Variants in TMEM87A observed in about 807,000 individuals in gnomAD.
TMEM87A encodes transmembrane protein 87A.
Under a neutral mutation model 90.0 loss-of-function variants are expected in TMEM87A, and 50 were observed. That is an observed-to-expected ratio of 0.56 (90% confidence interval 0.44 to 0.70). The LOEUF (loss-of-function observed/expected upper bound fraction) is 0.70. Among genes scored for constraint, TMEM87A ranks in the 30% least tolerant of loss-of-function variants. The pLI, the probability that TMEM87A is intolerant of heterozygous loss-of-function variation, is 0.00. For synonymous variants in TMEM87A, 226 were observed against 226.7 expected (o/e 1.00, Z 0.03); for missense variants, 577 against 660.5 (o/e 0.87, Z 1.39).
chr15:42,267,704 A>G (rs919418906), intron 3 of TMEM87A, among the ~76,000 whole-genome samples: 10 of 152,184 alleles, frequency 6.6e-5, no homozygotes, highest in African/African-American at 2.4e-4. Flanking sequence ...TCTCAGTTGT[A>G]ATTTCTAATA....
chr15:42,272,518 G>A (rs2051557064), intron 1 of TMEM87A, among the ~76,000 whole-genome samples: 1 of 152,208 alleles, frequency 6.6e-6, no homozygotes, highest in African/African-American at 2.4e-5. Context: ...GGCCAACGTA[G>A]GTTTAATGGG....
At chr15:42,240,013 T>C (rs541515109) in intron 7 of TMEM87A, among the ~76,000 whole-genome samples, 16 of 152,320 alleles carry the variant, frequency 1.1e-4, no homozygotes, top group Non-Finnish European at 1.2e-4. Flanking sequence ...AAAGACTAGA[T>C]TGAATATTTC....
In TMEM87A at chr15:42,233,019, G is replaced by A. The variant is rs537752962; in HGVS notation, c.1062+194C>T. On this transcript the variant is annotated intron_variant, in intron 11 of 19. Transcript: ENST00000389834. ...GAGACAGGTGGAAAAGCATTCATTC[G>A]GGCACACACTAAATTTACAAAGCTC... 17 of 348,098 alleles carry A rather than the reference G, an allele frequency of 4.9e-5. 1 individual carries two copies. Among genetic ancestry groups the A allele is most frequent in the Admixed American group, 2.3e-4 (5 of 21,316 alleles). 21.6% of individuals were successfully genotyped at this position (348,098 alleles called of 1,614,324 possible). A position where few individuals can be genotyped will look rare whatever the true frequency, so the allele number is the denominator to read the frequency against.
rs2051349476 is a variant in TMEM87A at position 42,264,069 on chromosome 15, CCAAT to C, written c.405+17_405+20del. Reference sequence around the variant, plus strand: ...CAATTTTTGCCTATTCTATTTATCTCCAATCACTTTCAAAGATTACCTGTGTTTT... The same window carrying C: ...CAATTTTTGCCTATTCTATTTATCTCCACTTTCAAAGATTACCTGTGTTTT... On this transcript the variant is annotated intron_variant, in intron 4 of 19. Coordinates refer to ENST00000389834, the MANE Select transcript of TMEM87A (RefSeq NM_015497.5). The C allele has an allele frequency of 6.3e-7, 1 of 1,586,600 alleles. No homozygotes were observed.
chr15:42,238,110 T>G (rs948853695), intron 8 of TMEM87A, among the ~76,000 whole-genome samples: 18 of 152,038 alleles, frequency 1.2e-4, no homozygotes, highest in South Asian at 6.2e-4. Flanking sequence ...ATGGTATATA[T>G]AGAGAGCACT....
chr15:42,248,397 C>T (rs2051018228), intron 6 of TMEM87A, among the ~76,000 whole-genome samples: 1 of 152,152 alleles, frequency 6.6e-6, no homozygotes, highest in Admixed American at 6.5e-5. Flanking sequence ...TTTGCCCATT[C>T]AGTATGATAT....
chr15:42,233,937 A>ATT (rs11285848), intron 10 of TMEM87A, among the ~76,000 whole-genome samples: 27 of 139,884 alleles, frequency 1.9e-4, no homozygotes, highest in Middle Eastern at 3.8e-3. Flanking sequence ...CACCAGGCTA[A>ATT]TTTTTTTTTT....
At chr15:42,246,362 G>T (rs546002648) in intron 6 of TMEM87A, among the ~76,000 whole-genome samples, 6 of 152,100 alleles carry the variant, frequency 3.9e-5, no homozygotes, top group Admixed American at 1.3e-4. Context: ...TTGTTACATA[G>T]GTATACATGT....
chr15:42,269,181 G>A (rs2051463789), intron 2 of TMEM87A, among the ~76,000 whole-genome samples: 1 of 152,020 alleles, frequency 6.6e-6, no homozygotes, highest in South Asian at 2.1e-4. Flanking sequence ...ATTAGCTGGA[G>A]GAAGTCAGTA....
At chr15:42,226,104 A>G (rs1304554128) in intron 15 of TMEM87A, among the ~76,000 whole-genome samples, 2 of 151,898 alleles carry the variant, frequency 1.3e-5, no homozygotes, top group Non-Finnish European at 2.9e-5. Context: ...GGTTCAAGCG[A>G]TTCTCCTGCC....
intron 11 of TMEM87A, chr15:42,231,768 T>A: frequency 1.7e-6 from 1 of 601,076 alleles, no homozygotes; most frequent in Non-Finnish European, 2.3e-6. Flanking sequence ...ATGCTGCATG[T>A]TTCCAGGAGT....
chr15:42,226,908 T>C lies in TMEM87A; in HGVS notation c.1301A>G (p.Asp434Gly), dbSNP rs746794420. The C allele has an allele frequency of 1.1e-4, 170 of 1,613,724 alleles. No homozygotes were observed. The highest frequency in any genetic ancestry group is 1.3e-4 in the Admixed American group (8 of 60,008). Residue 434 changes from aspartate to glycine, a missense_variant and splice_region_variant, in exon 15 of 20, where the codon GAC (aspartate) becomes GGC (glycine). Coordinates refer to ENST00000389834, the MANE Select transcript of TMEM87A (RefSeq NM_015497.5). ...MKFRIVTCQSDWRELWVDDAI... is the reference protein window; with the variant it reads ...MKFRIVTCQSGWRELWVDDAI... ...ATCGTCTACCCACAGCTCCCGCCAG[T>C]CCTACAATACAGGGGAGAAGTACAA...
chr15:42,254,018 A>G (rs2051132334), intron 6 of TMEM87A, among the ~76,000 whole-genome samples: 1 of 152,018 alleles, frequency 6.6e-6, no homozygotes, highest in African/African-American at 2.4e-5. Context: ...TCAACTATTA[A>G]TTATTTTGTT....
At chr15:42,257,333 T>TCTC (rs1226997973) in intron 6 of TMEM87A, among the ~76,000 whole-genome samples, 1 of 151,580 alleles carries the variant, frequency 6.6e-6, no homozygotes, top group Admixed American at 6.6e-5. Context: ...CACTACCTCC[T>TCTC]CTCCTCCTCC....
rs563875834 is a variant in TMEM87A, at chr15:42,227,245, G to A, written c.1300-336C>T. On this transcript the variant is annotated intron_variant, in intron 14 of 19. Coordinates refer to ENST00000389834, the MANE Select transcript of TMEM87A (RefSeq NM_015497.5). ...GTGTAAGAGAAAGTTACATTAGGTTGGTATACTTTATAATTTTCATTTTCA... is the reference window on the plus strand; with the variant it reads ...GTGTAAGAGAAAGTTACATTAGGTTAGTATACTTTATAATTTTCATTTTCA... Among the ~76,000 whole-genome samples, 237 of 152,102 alleles carry A rather than the reference G, an allele frequency of 1.6e-3. 1 individual carries two copies. The highest frequency in any genetic ancestry group is 4.8e-3 in the African/African-American group (198 of 41,480).
intron 6 of TMEM87A, among the ~76,000 whole-genome samples, chr15:42,253,261 T>C (rs1407376221): frequency 6.6e-6 from 1 of 152,252 alleles, no homozygotes; most frequent in Admixed American, 6.5e-5. Context: ...TCTGATCGTA[T>C]GTCCAGTCTT....
At chr15:42,250,823 T>C (rs2051071334) in intron 6 of TMEM87A, among the ~76,000 whole-genome samples, 1 of 152,214 alleles carries the variant, frequency 6.6e-6, no homozygotes, top group Non-Finnish European at 1.5e-5. Flanking sequence ...GATAATATCC[T>C]GAAGAGTGTT....
At chr15:42,260,121 C>T (rs1167429694) in intron 6 of TMEM87A, among the ~76,000 whole-genome samples, 1 of 152,200 alleles carries the variant, frequency 6.6e-6, no homozygotes, top group African/African-American at 2.4e-5. Context: ...GCCTATAATC[C>T]TAGCACTTTG....
intron 2 of TMEM87A, among the ~76,000 whole-genome samples, chr15:42,270,737 G>C (rs2051506306): frequency 6.6e-6 from 1 of 152,226 alleles, no homozygotes; most frequent in African/African-American, 2.4e-5. Flanking sequence ...AGGTTACCCA[G>C]TAAACCAATC....
Sources: allele counts gnomAD v4.1 joint callset (sites outside exome capture counted in the v4.1 genomes callset), GRCh38; gene constraint gnomAD v4.1.1; transcripts MANE v1.5; gene names NCBI Gene and HGNC (gene_info 2026-07-23, HGNC 2026-07-21).